The following CREB5 variants were observed in gnomAD, a reference collection of about 807,000 sequenced individuals.
The protein encoded by CREB5 is cyclic AMP-responsive element-binding protein 5.
A neutral mutation model predicts 57.1 loss-of-function variants in CREB5; 19 were observed. That is an observed-to-expected ratio of 0.33 (90% confidence interval 0.23 to 0.49). The LOEUF (loss-of-function observed/expected upper bound fraction) is 0.49. CREB5 is among the 20% of genes least tolerant of loss of function. The pLI is 0.99. For synonymous variants in CREB5, 238 were observed against 238.3 expected, an observed-to-expected ratio of 1.00 and a Z score of 0.01; for missense variants, 579 against 671.6, an observed-to-expected ratio of 0.86 and a Z score of 1.52.
chr7:28,707,334 G>C (rs372709832), intron 5 of CREB5, among the ~76,000 whole-genome samples: 1 of 152,200 alleles, frequency 6.6e-6, no homozygotes, highest in South Asian at 2.1e-4. Flanking sequence ...ATTCTCTAAA[G>C]TCATTCTCAT....
intron 4 of CREB5, among the ~76,000 whole-genome samples, chr7:28,534,755 GA>G (rs1359477474): frequency 7.3e-6 from 1 of 136,114 alleles, no homozygotes; most frequent in Non-Finnish European, 1.7e-5. Flanking sequence ...AGTGCTTATA[GA>G]AATTAATTTT....
chr7:28,739,864 C>T (rs1383587345), intron 7 of CREB5, among the ~76,000 whole-genome samples: 5 of 152,168 alleles, frequency 3.3e-5, no homozygotes, highest in African/African-American at 4.8e-5. Flanking sequence ...GCTTTAGGGT[C>T]CAGCAAGCAA....
At position 28,718,803 on chromosome 7, in the gene CREB5, G is replaced by C; in HGVS notation, c.515G>C (p.Arg172Thr). 1 of 1,614,136 alleles carries C rather than the reference G, an allele frequency of 6.2e-7. No homozygotes were observed. Among genetic ancestry groups the C allele is most frequent in the Non-Finnish European group, 8.5e-7 (1 of 1,179,998 alleles). Residue 172 changes from arginine (R) to threonine (T), a missense_variant, in exon 6 of 11, where the codon AGA becomes ACA. This residue lies in a region of CREB5 where 459 missense variants were observed against 515.7 expected (regional missense o/e 0.89). Transcript: ENST00000357727. ...SSLLHLHNRQ[R>T]QPMPASMPGT... ...CTGCTACATCTCCACAACAGACAGA[G>C]ACAGCCCATGCCAGCCTCCATGCCT... is the stretch of plus-strand genomic sequence containing the variant.
intron 7 of CREB5, among the ~76,000 whole-genome samples, chr7:28,761,010 A>C (rs187341301): frequency 2.0e-5 from 3 of 152,352 alleles, no homozygotes; most frequent in Non-Finnish European, 4.4e-5. Flanking sequence ...CTCATGTTAC[A>C]GGAAAACCCT....
chr7:28,580,370 C>CTG (rs1364765957), intron 5 of CREB5, among the ~76,000 whole-genome samples: 1 of 140,310 alleles, frequency 7.1e-6, no homozygotes, highest in Non-Finnish European at 1.5e-5. Flanking sequence ...TGAGGGGTGT[C>CTG]TGTGTGTGTG....
At chr7:28,337,533 T>G (rs1237042112) in intron 1 of CREB5, among the ~76,000 whole-genome samples, 1 of 151,722 alleles carries the variant, frequency 6.6e-6, no homozygotes, top group African/African-American at 2.4e-5. Context: ...TTTTTTTTTG[T>G]TATTTATTGG....
At chr7:28,792,028 G>C (rs2128791942) in intron 7 of CREB5, among the ~76,000 whole-genome samples, 1 of 152,288 alleles carries the variant, frequency 6.6e-6, no homozygotes, top group Non-Finnish European at 1.5e-5. Flanking sequence ...AAATAGGATG[G>C]GTGTGGTGGC....
intron 5 of CREB5, among the ~76,000 whole-genome samples, chr7:28,642,345 C>G (rs1246544365): frequency 2.6e-5 from 4 of 152,150 alleles, no homozygotes; most frequent in Admixed American, 2.6e-4. Flanking sequence ...ACCAAATAAG[C>G]TGTTAAAATC....
rs11291433 is a variant in CREB5 at position 28,522,390 on chromosome 7, G to GTTTT, written c.291+14671_291+14674dup. ...CTGCACTGACTATATCCTGCTCTTT[G>GTTTT]TTTTTTTTTTTTTTTTTTTTTCTGA... On this transcript the variant is annotated intron_variant, in intron 4 of 10. Coordinates refer to ENST00000357727, the MANE Select transcript of CREB5 (RefSeq NM_182898.4). Among the ~76,000 whole-genome samples, 87 of 97,566 alleles carry GTTTT rather than the reference G, an allele frequency of 8.9e-4. 1 individual carries two copies. Among genetic ancestry groups the GTTTT allele is most frequent in the African/African-American group, 1.4e-3 (38 of 27,570 alleles). 64.0% of individuals were successfully genotyped at this position (97,566 alleles called of 152,430 possible).
chr7:28,578,984 A>G (rs1397589722), intron 5 of CREB5, among the ~76,000 whole-genome samples: 2 of 152,228 alleles, frequency 1.3e-5, no homozygotes, highest in East Asian at 3.8e-4. Flanking sequence ...TCTGGTATAT[A>G]CAGATGGAAT....
At chr7:28,410,935 A>C (rs1787763912), upstream of CREB5, among the ~76,000 whole-genome samples, 2 of 146,626 alleles carry the variant, frequency 1.4e-5, no homozygotes, top group African/African-American at 2.5e-5. Context: ...CTCCCTCTCC[A>C]CCACTCCCCC....
intron 5 of CREB5, among the ~76,000 whole-genome samples, chr7:28,652,546 T>C (rs1467319755): frequency 6.6e-6 from 1 of 152,200 alleles, no homozygotes; most frequent in Non-Finnish European, 1.5e-5. Flanking sequence ...CTGAATTCTG[T>C]CTCCTCTACT....
At chr7:28,407,972 C>T (rs572703761), upstream of CREB5, among the ~76,000 whole-genome samples, 6 of 152,192 alleles carry the variant, frequency 3.9e-5, no homozygotes, top group Admixed American at 1.3e-4. Context: ...TGTTTATTAA[C>T]GAGGGCTAAA....
intron 1 of CREB5, among the ~76,000 whole-genome samples, chr7:28,455,633 G>A (rs28575542): frequency 3.7e-4 from 56 of 151,716 alleles, no homozygotes; most frequent in African/African-American, 9.4e-4. Context: ...TGGACCTTCC[G>A]GCTCAGGAGT....
intron 1 of CREB5, among the ~76,000 whole-genome samples, chr7:28,335,094 C>G (rs755461492): frequency 6.6e-6 from 1 of 152,184 alleles, no homozygotes; most frequent in African/African-American, 2.4e-5. Context: ...GTTTTGGTTA[C>G]TATAGCTCTA....
chr7:28,419,166 T>A (rs571965512), intron 1 of CREB5, among the ~76,000 whole-genome samples: 2 of 152,358 alleles, frequency 1.3e-5, no homozygotes, highest in Non-Finnish European at 1.5e-5. Flanking sequence ...TGATTGACTG[T>A]TAAAAGTATT....
intron 2 of CREB5, among the ~76,000 whole-genome samples, chr7:28,492,946 T>A (rs1791871150): frequency 1.4e-5 from 2 of 145,642 alleles, no homozygotes; most frequent in Admixed American, 6.9e-5. Flanking sequence ...TAGCAAAAAA[T>A]CATGTCATAT....
chr7:28,681,088 G>A (rs965644687), intron 5 of CREB5, among the ~76,000 whole-genome samples: 3 of 148,678 alleles, frequency 2.0e-5, no homozygotes, highest in African/African-American at 7.5e-5. Flanking sequence ...CTGCTGTGGG[G>A]GTCCAAAAAA....
At chr7:28,681,046 A>C (rs1219174557) in intron 5 of CREB5, among the ~76,000 whole-genome samples, 1 of 152,174 alleles carries the variant, frequency 6.6e-6, no homozygotes, top group African/African-American at 2.4e-5. Flanking sequence ...AGCTGCTCTG[A>C]CATCCACCAC....
Sources: gnomAD v4.1 joint callset for allele counts (sites outside exome capture counted in the v4.1 genomes callset) on GRCh38, gnomAD v4.1.1 for gene constraint, gnomAD v4.1.1 regional missense constraint, MANE v1.5 for transcripts, NCBI Gene and HGNC (gene_info 2026-07-23, HGNC 2026-07-21) for gene names.